MYH11: variants seen among roughly 807,000 people sequenced by gnomAD.
MYH11 encodes myosin-11.
In MYH11, 80 loss-of-function variants were observed where a neutral mutation model predicts 246.6. The observed-to-expected ratio is 0.32, with a 90% CI of 0.27 to 0.39. The LOEUF is 0.39. Among genes scored for constraint, MYH11 ranks in the 10% least tolerant of loss-of-function variants. The probability of loss-of-function intolerance (pLI) is 1.00; values close to 1 mark genes in which losing one functional copy is unlikely to be tolerated. For missense variants in MYH11, 2,158 were observed against 2,546.8 expected, an observed-to-expected ratio of 0.85 and a Z score of 3.29; for synonymous variants, 1,071 against 1,015.5, an observed-to-expected ratio of 1.05 and a Z score of -1.04.
chr16:15,819,472 A>G (rs1444072686), intron 3 of MYH11, among the ~76,000 whole-genome samples: 2 of 152,080 alleles, frequency 1.3e-5, no homozygotes, highest in Non-Finnish European at 2.9e-5. Flanking sequence ...CTCTCAGATC[A>G]GAGGCGGCAT....
rs139638091 is a variant in MYH11 at position 15,850,714 on chromosome 16, G to A, written c.-18+6227C>T. 5.2e-3 allele frequency among the ~76,000 whole-genome samples: 790 copies of A among 152,128 alleles called. 4 individuals carry two copies. Among genetic ancestry groups the A allele is most frequent in the African/African-American group, 0.018 (748 of 41,486 alleles). On this transcript the variant is annotated intron_variant, in intron 1 of 40. Transcript: ENST00000300036. ...GTTTGACACCAGCCTGCGCAACATG[G>A]TGAAACCCCATCTCTACAGAAAATA...
At chr16:15,815,964 T>C (rs1009883307) in intron 3 of MYH11, among the ~76,000 whole-genome samples, 1 of 152,296 alleles carries the variant, frequency 6.6e-6, no homozygotes, top group African/African-American at 2.4e-5. Flanking sequence ...AAGTTATTTA[T>C]AACTTTCTGA....
chr16:15,764,479 A>C (rs1000360748), intron 9 of MYH11, among the ~76,000 whole-genome samples: 4 of 151,838 alleles, frequency 2.6e-5, no homozygotes, highest in African/African-American at 9.7e-5. Context: ...CCTGTCTCTA[A>C]AACAAAAAAA....
intron 8 of MYH11, among the ~76,000 whole-genome samples, chr16:15,775,515 C>G (rs1054141579): frequency 6.6e-5 from 10 of 152,278 alleles, no homozygotes; most frequent in Middle Eastern, 6.8e-3. Flanking sequence ...TGTGGCTGCT[C>G]TTGTATTACA....
chr16:15,830,513 A>G (rs1268485947), intron 2 of MYH11, among the ~76,000 whole-genome samples: 1 of 152,118 alleles, frequency 6.6e-6, no homozygotes, highest in Non-Finnish European at 1.5e-5. Context: ...TGAGACGCAC[A>G]ACAGCCGGGG....
intron 37 of MYH11, chr16:15,718,086 G>A (rs867085461): frequency 2.7e-5 from 18 of 658,702 alleles, no homozygotes; most frequent in East Asian, 8.5e-5. Context: ...AGCCAGCCAC[G>A]CCGTGGCTGG....
At chr16:15,707,786 A>C (rs1279293525) in intron 40 of MYH11, among the ~76,000 whole-genome samples, 1 of 152,190 alleles carries the variant, frequency 6.6e-6, no homozygotes, top group Non-Finnish European at 1.5e-5. Flanking sequence ...AGCCTGGCCA[A>C]CATGGTGATA....
chr16:15,784,043 A>G (rs577143200), intron 5 of MYH11, among the ~76,000 whole-genome samples: 92 of 152,242 alleles, frequency 6.0e-4, no homozygotes, highest in Non-Finnish European at 1.2e-3. Flanking sequence ...ACATATGCAC[A>G]GGTCCAAGCA....
chr16:15,840,753 TA>T (rs1318404197), intron 1 of MYH11, among the ~76,000 whole-genome samples: 1 of 151,904 alleles, frequency 6.6e-6, no homozygotes, highest in Non-Finnish European at 1.5e-5. Flanking sequence ...ACCAAACAAC[TA>T]AAAAAATCAT....
chr16:15,842,764 A>G (rs2044089218), intron 1 of MYH11, among the ~76,000 whole-genome samples: 1 of 119,308 alleles, frequency 8.4e-6, no homozygotes, highest in Non-Finnish European at 1.6e-5. Flanking sequence ...ACTTCATCCA[A>G]AAAAAAAAAA....
At chr16:15,717,667 G>A (rs1429926287) in intron 37 of MYH11, 9 of 443,712 alleles carry the variant, frequency 2.0e-5, no homozygotes, top group Non-Finnish European at 1.2e-5. Context: ...GTGGTGGCAC[G>A]TGCCTGTAGT....
intron 5 of MYH11, among the ~76,000 whole-genome samples, chr16:15,784,509 A>G (rs1379973868): frequency 6.6e-6 from 1 of 151,954 alleles, no homozygotes; most frequent in African/African-American, 2.4e-5. Flanking sequence ...GCACCCCCAC[A>G]CCCTTCCCTG....
Position 15,741,751 on chromosome 16 carries a change from T to C in MYH11, c.2652+9A>G. 6.2e-7 allele frequency: 1 copy of C among 1,614,154 alleles called. No individual in the cohort carries two copies. Among genetic ancestry groups the C allele is most frequent in the Non-Finnish European group, 8.5e-7 (1 of 1,180,030 alleles). On this transcript the variant is annotated intron_variant, in intron 21 of 40. Transcript: ENST00000300036. Reference sequence around the variant, plus strand: ...CCCAGCAACCCCAGCCATGCATCCATACAGGTACCTGCGAGTGCTTCTGTT... The same window carrying C: ...CCCAGCAACCCCAGCCATGCATCCACACAGGTACCTGCGAGTGCTTCTGTT...
intron 4 of MYH11, among the ~76,000 whole-genome samples, chr16:15,794,658 G>T (rs967806365): frequency 6.6e-6 from 1 of 152,204 alleles, no homozygotes; most frequent in Non-Finnish European, 1.5e-5. Context: ...TGAGAAGATC[G>T]AGGGGAAGGG....
At chr16:15,792,016 A>G (rs1221419299) in intron 4 of MYH11, 1 of 152,150 alleles carries the variant, frequency 6.6e-6, no homozygotes, top group East Asian at 1.9e-4. Context: ...GAACATTTAT[A>G]TAAAATGCTT....
At chr16:15,758,602 G>T (rs920669826) in intron 12 of MYH11, among the ~76,000 whole-genome samples, 9 of 150,892 alleles carry the variant, frequency 6.0e-5, no homozygotes, top group African/African-American at 2.2e-4. Context: ...TCAGGAGTTT[G>T]AGACTAGCCT....
At chr16:15,719,332 T>C (rs1411897397) in intron 35 of MYH11, 24 bp from the exon 36 acceptor site, 1 of 1,606,942 alleles carries the variant, frequency 6.2e-7, no homozygotes, top group Non-Finnish European at 8.5e-7. Flanking sequence ...AGGAAGGCTG[T>C]TGTCTGCCAG....
intron 3 of MYH11, among the ~76,000 whole-genome samples, chr16:15,806,155 T>C (rs1162251500): frequency 1.3e-5 from 2 of 151,484 alleles, no homozygotes; most frequent in Admixed American, 1.3e-4. Flanking sequence ...CACGTGCCTA[T>C]AGTCCCAGCT....
At chr16:15,751,393 C>G (rs1030342149) in intron 15 of MYH11, among the ~76,000 whole-genome samples, 1 of 151,774 alleles carries the variant, frequency 6.6e-6, no homozygotes. Context: ...GAACTCCTGA[C>G]CTCAGGTGAT....
Sources: gnomAD v4.1 joint callset for allele counts (sites outside exome capture counted in the v4.1 genomes callset) on GRCh38, gnomAD v4.1.1 for gene constraint, MANE v1.5 for transcripts, NCBI Gene and HGNC (gene_info 2026-07-23, HGNC 2026-07-21) for gene names.